The following DHX35 variants were observed in gnomAD, a reference collection of about 807,000 sequenced individuals.
DHX35 encodes probable ATP-dependent RNA helicase DHX35.
In DHX35, 84 loss-of-function variants were observed where a neutral mutation model predicts 99.6. The observed-to-expected ratio is 0.84, with a 90% CI of 0.71 to 1.01. The LOEUF is 1.01. Ranked by LOEUF, DHX35 falls within the 50% of genes least tolerant of loss-of-function variation. DHX35 has a pLI of 0.00. For missense variants in DHX35, 852 were observed against 888.5 expected (o/e 0.96, Z 0.52); for synonymous variants, 331 against 316.2 (o/e 1.05, Z -0.50).
intron 7 of DHX35, among the ~76,000 whole-genome samples, chr20:38,993,768 A>T (rs1384390589): frequency 6.6e-6 from 1 of 151,908 alleles, no homozygotes. Flanking sequence ...GGACAGTACA[A>T]ATAAGGAAAG....
At chr20:39,009,741 T>C (rs2086670608) in intron 12 of DHX35, among the ~76,000 whole-genome samples, 1 of 152,176 alleles carries the variant, frequency 6.6e-6, no homozygotes, top group South Asian at 2.1e-4. Context: ...TCACCTCTTC[T>C]TCCTGGTAGG....
intron 15 of DHX35, among the ~76,000 whole-genome samples, chr20:39,020,286 ATATAAGTC>A (rs2086852602): frequency 6.6e-6 from 1 of 152,210 alleles, no homozygotes; most frequent in Non-Finnish European, 1.5e-5. Context: ...TTGTCAGAGC[ATATAAGTC>A]CATTTTTAGT....
chr20:38,986,974 C>T (rs558547545), intron 4 of DHX35, among the ~76,000 whole-genome samples: 18 of 152,172 alleles, frequency 1.2e-4, no homozygotes, highest in Non-Finnish European at 2.4e-4. Flanking sequence ...GAGCCTCTGC[C>T]CTCCTGAGCC....
chr20:39,014,180 G>A (rs910902484), intron 13 of DHX35, among the ~76,000 whole-genome samples: 1 of 152,178 alleles, frequency 6.6e-6, no homozygotes, highest in Non-Finnish European at 1.5e-5. Flanking sequence ...AAAATGTACT[G>A]TAATTTTATT....
chr20:39,001,772 GCAAGGGATA>G lies in DHX35; in HGVS notation c.688_696del (p.Arg230_Thr232del). 2 of 1,612,830 alleles carry G rather than the reference GCAAGGGATA, an allele frequency of 1.2e-6. No individual in the cohort carries two copies. The highest frequency in any genetic ancestry group is 1.7e-6 in the Non-Finnish European group (2 of 1,179,694). ...TAATCAAAATGAAACCAGTGATCCA[GCAAGGGATA>G]CATGTGTGATCCTTACAGTGGAAGG... is the stretch of plus-strand genomic sequence containing the variant. On this transcript the variant is annotated inframe_deletion, in exon 9 of 22. Coordinates refer to ENST00000252011, the MANE Select transcript of DHX35 (RefSeq NM_021931.4).
intron 5 of DHX35, among the ~76,000 whole-genome samples, 193 bp downstream of exon 5, chr20:38,989,110 T>C (rs1008252949): frequency 6.7e-6 from 1 of 149,176 alleles, no homozygotes; most frequent in African/African-American, 2.5e-5. Context: ...TTTTTTTTTT[T>C]TTTTTGAGAC....
chr20:38,982,802 T>C (rs1188121993), intron 3 of DHX35, among the ~76,000 whole-genome samples: 2 of 152,236 alleles, frequency 1.3e-5, no homozygotes, highest in Non-Finnish European at 2.9e-5. Flanking sequence ...GTAAAACTAT[T>C]AGATGTTAGA....
chr20:39,006,149 A>G lies in DHX35; in HGVS notation c.1015A>G (p.Ile339Val). 1.2e-6 allele frequency: 2 copies of G among 1,613,192 alleles called. No homozygotes were observed. Among genetic ancestry groups the G allele is most frequent in the Non-Finnish European group, 1.7e-6 (2 of 1,179,210 alleles). ...CTTCTTTCTGTGGGGAACGTAGGTG[A>G]TAGTGGCCACCAATGTGGCAGAAAC... ...ERVSRSVRKV[I>V]VATNVAETSI... The change falls in exon 12 of 22, where the codon ATA becomes GTA. Residue 339 changes from isoleucine to valine, a missense_variant. Transcript: ENST00000252011.
chr20:39,012,018 C>T (rs534941022), intron 13 of DHX35, among the ~76,000 whole-genome samples: 2 of 152,270 alleles, frequency 1.3e-5, no homozygotes, highest in African/African-American at 2.4e-5. Flanking sequence ...GAGGCCGAGG[C>T]AGGTGGATCA....
At position 39,001,734 on chromosome 20, in the gene DHX35, T is replaced by G. The variant is rs1601410543; in HGVS notation, c.647T>G (p.Phe216Cys). The G allele has an allele frequency of 6.2e-7, 1 of 1,605,112 alleles. No individual in the cohort carries two copies. The highest frequency in any genetic ancestry group is 8.5e-7 in the Non-Finnish European group (1 of 1,176,172). The change falls in exon 9 of 22, where the codon TTC becomes TGC. Residue 216 changes from phenylalanine (F) to cysteine (C), a missense_variant. Transcript: ENST00000252011. ...VASATLDADK[F>C]RDFFNQNETS... ...AATTAATTTTTTTCTTTTTAGAAAT[T>G]CCGGGATTTCTTTAATCAAAATGAA...
intron 3 of DHX35, among the ~76,000 whole-genome samples, chr20:38,974,179 T>TAGATA (rs1198123443): frequency 1.3e-5 from 2 of 152,210 alleles, no homozygotes; most frequent in Admixed American, 1.3e-4. Context: ...AGCTGAGCTT[T>TAGATA]AGATAAATGA....
chr20:38,995,892 T>C (rs569394383), intron 8 of DHX35, among the ~76,000 whole-genome samples: 9 of 152,272 alleles, frequency 5.9e-5, no homozygotes, highest in African/African-American at 1.7e-4. Context: ...GACCATGAGT[T>C]CATGGAGCTT....
intron 7 of DHX35, among the ~76,000 whole-genome samples, chr20:38,993,931 A>G (rs1383669324): frequency 1.3e-5 from 2 of 152,226 alleles, no homozygotes; most frequent in Admixed American, 6.5e-5. Context: ...TTAGAAAAAG[A>G]TGTTCCCTCT....
At chr20:38,963,617 G>A (rs1011027223) in intron 1 of DHX35, among the ~76,000 whole-genome samples, 5 of 152,176 alleles carry the variant, frequency 3.3e-5, no homozygotes, top group African/African-American at 1.2e-4. Context: ...AAAGTGTTAG[G>A]TATAATAAAG....
intron 10 of DHX35, among the ~76,000 whole-genome samples, 178 bp downstream of exon 10, chr20:39,003,046 G>C (rs1023283670): frequency 6.6e-6 from 1 of 152,184 alleles, no homozygotes; most frequent in Non-Finnish European, 1.5e-5. Context: ...TCAGGGACTC[G>C]TTAGCCCCTG....
rs763699199 is a variant in DHX35 at position 39,006,121 on chromosome 20, A to G, written c.1012-25A>G. 13 of 1,601,222 alleles carry G rather than the reference A, an allele frequency of 8.1e-6. No homozygotes were observed. The South Asian group carries it at 1.4e-4, about 18-fold the overall frequency. Reference sequence around the variant, plus strand: ...AAGCAAAAAGAATAAAATGAGTTTTATTCTTCTTTCTGTGGGGAACGTAGG... The same window carrying G: ...AAGCAAAAAGAATAAAATGAGTTTTGTTCTTCTTTCTGTGGGGAACGTAGG... On this transcript the variant is annotated intron_variant, in intron 11 of 21. Transcript: ENST00000252011.
chr20:38,994,951 C>A (rs1226555403), intron 8 of DHX35, 71 bp downstream of exon 8: 32 of 1,358,362 alleles, frequency 2.4e-5, no homozygotes, highest in Non-Finnish European at 2.7e-5. Flanking sequence ...TGGGAAGTTA[C>A]CTCTAGCAAG....
chr20:39,020,382 C>T (rs569676051), intron 15 of DHX35, among the ~76,000 whole-genome samples: 1 of 152,312 alleles, frequency 6.6e-6, no homozygotes, highest in African/African-American at 2.4e-5. Flanking sequence ...ACGAGGGTTC[C>T]AATTTCTTTG....
At chr20:39,018,054 T>A (rs1176203070) in intron 14 of DHX35, among the ~76,000 whole-genome samples, 1 of 152,122 alleles carries the variant, frequency 6.6e-6, no homozygotes, top group Non-Finnish European at 1.5e-5. Flanking sequence ...TACAAAGCTA[T>A]CAGATCTTGT....
Sources: gnomAD v4.1 joint callset for allele counts (sites outside exome capture counted in the v4.1 genomes callset) on GRCh38, gnomAD v4.1.1 for gene constraint, MANE v1.5 for transcripts, NCBI Gene and HGNC (gene_info 2026-07-23, HGNC 2026-07-21) for gene names.